Variants in DPYS observed in about 807,000 individuals in gnomAD.
The protein encoded by DPYS is dihydropyrimidinase.
Under a neutral mutation model 50.3 loss-of-function variants are expected in DPYS, and 39 were observed. The observed-to-expected ratio is 0.78, with a 90% CI of 0.60 to 1.01. DPYS has a LOEUF of 1.01. Among genes scored for constraint, DPYS ranks in the 50% least tolerant of loss-of-function variants. The pLI, the probability that DPYS is intolerant of heterozygous loss-of-function variation, is 0.00. For synonymous variants in DPYS, 245 were observed against 250.7 expected (o/e 0.98, Z 0.22); for missense variants, 659 against 680.9 (o/e 0.97, Z 0.36).
intron 6 of DPYS, among the ~76,000 whole-genome samples, chr8:104,424,677 C>T (rs1046722419): frequency 6.6e-6 from 1 of 152,146 alleles, no homozygotes; most frequent in Non-Finnish European, 1.5e-5. Flanking sequence ...TAGGTGACAG[C>T]TAAATTTTGG....
chr8:104,410,511 A>C (rs1372064695), intron 7 of DPYS, among the ~76,000 whole-genome samples: 1 of 152,148 alleles, frequency 6.6e-6, no homozygotes, highest in Non-Finnish European at 1.5e-5. Context: ...TGGGAGTTTC[A>C]GTGCTAAAAC....
chr8:104,424,511 G>T, intron 6 of DPYS, 122 bp from the exon 7 acceptor site: 1 of 1,027,666 alleles, frequency 9.7e-7, no homozygotes, highest in Non-Finnish European at 1.4e-6. Context: ...ATATTGTAGA[G>T]CATCTGAGGA....
chr8:104,386,369 C>A (rs188684497), intron 8 of DPYS, among the ~76,000 whole-genome samples: 1 of 151,780 alleles, frequency 6.6e-6, no homozygotes. Flanking sequence ...CCCGTCTCTA[C>A]TAAAAATACA....
At chr8:104,411,913 A>T (rs1186678052) in intron 7 of DPYS, 1 of 152,254 alleles carries the variant, frequency 6.6e-6, no homozygotes, top group Admixed American at 6.5e-5. Context: ...AGCATAAAAA[A>T]AAATATCAAT....
chr8:104,398,719 G>A (rs1638355036), intron 7 of DPYS, among the ~76,000 whole-genome samples: 1 of 152,206 alleles, frequency 6.6e-6, no homozygotes. Flanking sequence ...AGAGGTGAGT[G>A]TTTAGCACAG....
rs571202296 is a variant in DPYS, at chr8:104,462,338, C to T, written c.264+4319G>A. On this transcript the variant is annotated intron_variant, in intron 1 of 9. Transcript: ENST00000351513. ...TGATTTGCAACCAGGGTTTTTGAAG[C>T]ACAGCTCTTCCACAAGTTGCAGAAG... 9.9e-5 allele frequency among the ~76,000 whole-genome samples: 15 copies of T among 152,220 alleles called. No individual in the cohort carries two copies. In the East Asian group the frequency reaches 2.1e-3, roughly 22 times the overall value.
chr8:104,453,164 G>A (rs1325533366), intron 1 of DPYS, among the ~76,000 whole-genome samples: 1 of 151,780 alleles, frequency 6.6e-6, no homozygotes, highest in African/African-American at 2.4e-5. Context: ...AACTTACTTG[G>A]CCCCACTCCA....
At chr8:104,455,239 C>G (rs1014575313) in intron 1 of DPYS, among the ~76,000 whole-genome samples, 17 of 152,206 alleles carry the variant, frequency 1.1e-4, no homozygotes, top group African/African-American at 4.1e-4. Context: ...TCATCAGGCC[C>G]TAGAGCCTGA....
chr8:104,466,061 G>T (rs975236172), intron 1 of DPYS, among the ~76,000 whole-genome samples: 7 of 152,006 alleles, frequency 4.6e-5, no homozygotes, highest in Non-Finnish European at 1.0e-4. Context: ...TTTCTACTGG[G>T]GGTGGGAGTG....
intron 1 of DPYS, among the ~76,000 whole-genome samples, chr8:104,453,004 G>A (rs1206102653): frequency 2.6e-5 from 4 of 152,038 alleles, no homozygotes; most frequent in African/African-American, 9.7e-5. Context: ...AACACAGGAG[G>A]GGGCAGTGCC....
intron 7 of DPYS, among the ~76,000 whole-genome samples, chr8:104,402,849 C>A (rs980732238): frequency 7.2e-5 from 11 of 152,178 alleles, no homozygotes; most frequent in African/African-American, 2.7e-4. Flanking sequence ...CACCTTTAAA[C>A]ATGGGGCTTA....
intron 1 of DPYS, among the ~76,000 whole-genome samples, chr8:104,462,142 T>C (rs1347547876): frequency 1.3e-5 from 2 of 152,218 alleles, no homozygotes; most frequent in African/African-American, 2.4e-5. Flanking sequence ...ATATTGTTTT[T>C]ATAACTTAAA....
At chr8:104,454,492 G>T (rs372286003) in intron 1 of DPYS, among the ~76,000 whole-genome samples, 1 of 152,158 alleles carries the variant, frequency 6.6e-6, no homozygotes, top group Non-Finnish European at 1.5e-5. Context: ...TTAAATGGCC[G>T]AATTGTATTG....
chr8:104,424,826 CTTTTTTTTT>C (rs11291771), intron 6 of DPYS, among the ~76,000 whole-genome samples: 2 of 135,806 alleles, frequency 1.5e-5, no homozygotes, highest in African/African-American at 5.5e-5. Flanking sequence ...GGTGACAACA[CTTTTTTTTT>C]TTTTTTTTGA....
chr8:104,392,890 A>G lies in DPYS; in HGVS notation c.1337T>C (p.Val446Ala). 6.2e-7 allele frequency: 1 copy of G among 1,614,122 alleles called. No individual in the cohort carries two copies. The highest frequency in any genetic ancestry group is 8.5e-7 in the Non-Finnish European group (1 of 1,180,020). Residue 446 changes from valine to alanine, a missense_variant, in exon 8 of 10, where the codon GTG becomes GCG. By Grantham distance (64) the Val-to-Ala change is moderately conservative (BLOSUM62 0). Coordinates refer to ENST00000351513, the MANE Select transcript of DPYS (RefSeq NM_001385.3). ...ACTGAACACTCCGGCTTCATATACC[A>G]CTTTGCCTCTTGAAATAGTCACAAG... ...VPLVTISRGK[V>A]VYEAGVFSVT...
In DPYS at chr8:104,429,850, C is replaced by T. The variant is rs376105339; in HGVS notation, c.794-149G>A. 212 of 973,704 alleles carry T rather than the reference C, an allele frequency of 2.2e-4. 1 individual carries two copies. In the East Asian group the frequency reaches 4.0e-3, roughly 18 times the overall value. The allele number at this position is 973,704 out of a possible 1,614,324, so 60.3% of individuals were successfully genotyped here. A position where few individuals can be genotyped will look rare whatever the true frequency, so the allele number is the denominator to read the frequency against. ...CCAAACTATAATTTACTTTTGTGGA[C>T]AGGATTTAAAAATCCATGATGAACA... On this transcript the variant is annotated intron_variant, in intron 4 of 9. Transcript: ENST00000351513.
Position 104,444,517 on chromosome 8 carries a change from T to G in DPYS, c.604-80A>C, listed in dbSNP as rs927843251. 4.6e-6 allele frequency: 7 copies of G among 1,511,786 alleles called. No homozygotes were observed. In the Admixed American group the frequency reaches 1.3e-4, roughly 28 times the overall value. 93.6% of individuals were successfully genotyped at this position (1,511,786 alleles called of 1,614,324 possible). A position where few individuals can be genotyped will look rare whatever the true frequency, so the allele number is the denominator to read the frequency against. On this transcript the variant is annotated intron_variant, in intron 3 of 9. Coordinates refer to ENST00000351513, the MANE Select transcript of DPYS (RefSeq NM_001385.3). ...TATCATTATTTTATCATAAATTAAA[T>G]GCAATGCCAGGCTTTTGATCTGTTA... is the stretch of plus-strand genomic sequence containing the variant.
At chr8:104,430,405 A>C (rs1221173306) in intron 4 of DPYS, among the ~76,000 whole-genome samples, 1 of 152,126 alleles carries the variant, frequency 6.6e-6, no homozygotes, top group Non-Finnish European at 1.5e-5. Context: ...AATAGTGCAC[A>C]GTGAATTTGA....
At chr8:104,425,442 G>A (rs1022783338) in intron 6 of DPYS, among the ~76,000 whole-genome samples, 1 of 151,456 alleles carries the variant, frequency 6.6e-6, no homozygotes, top group African/African-American at 2.4e-5. Context: ...CTAATAGCTG[G>A]GACTACATGG....
Sources: gnomAD v4.1 joint callset for allele counts (sites outside exome capture counted in the v4.1 genomes callset) on GRCh38, gnomAD v4.1.1 for gene constraint, MANE v1.5 for transcripts, NCBI Gene and HGNC (gene_info 2026-07-23, HGNC 2026-07-21) for gene names.